The following RBFOX1 variants were observed in gnomAD, a reference collection of about 807,000 sequenced individuals.
The protein encoded by RBFOX1 is RNA binding fox-1 homolog 1, also known as RNA binding protein fox-1 homolog 1.
Under a neutral mutation model 57.7 loss-of-function variants are expected in RBFOX1, and 8 were observed. The ratio of observed to expected loss-of-function variants is 0.14; its 90% confidence interval spans 0.08 to 0.25. The LOEUF (loss-of-function observed/expected upper bound fraction) is 0.25, where lower values mean the gene tolerates loss of function less well. RBFOX1 is among the 10% of genes least tolerant of loss of function. The pLI is 1.00. For synonymous variants in RBFOX1, 326 were observed against 222.4 expected, an observed-to-expected ratio of 1.47 and a Z score of -4.15; for missense variants, 611 against 548.5, an observed-to-expected ratio of 1.11 and a Z score of -1.14.
intron 3 of RBFOX1, among the ~76,000 whole-genome samples, chr16:7,050,154 C>CT (rs58027559): frequency 0.081 from 11,135 of 138,226 alleles, 623 homozygotes; most frequent in East Asian, 0.29. Flanking sequence ...TCAATGTGGG[C>CT]TTTTTTTTTT....
chr16:7,617,311 C>A (rs889419451), intron 10 of RBFOX1, among the ~76,000 whole-genome samples: 3 of 152,052 alleles, frequency 2.0e-5, no homozygotes, highest in Non-Finnish European at 4.4e-5. Context: ...GATTGTTTTC[C>A]AGTAAAACTA....
In RBFOX1 at chr16:7,098,086, C is replaced by T. The variant is rs1057090319; in HGVS notation, c.27+45988C>T. On this transcript the variant is annotated intron_variant, in intron 4 of 15. Coordinates refer to ENST00000550418, the MANE Select transcript of RBFOX1 (RefSeq NM_018723.4). ...ATGCTAACTTAAAAGGCTAATCAAA[C>T]AGGCAAGTGGTACAAGTGAGGAAAG... Among the ~76,000 whole-genome samples the T allele has an allele frequency of 5.3e-5, 8 of 152,168 alleles. No individual in the cohort carries two copies. The South Asian group carries it at 1.2e-3, about 24-fold the overall frequency.
At chr16:6,510,978 C>T (rs572236581) in intron 2 of RBFOX1, among the ~76,000 whole-genome samples, 4 of 152,268 alleles carry the variant, frequency 2.6e-5, no homozygotes, top group East Asian at 3.9e-4. Context: ...CTGTCTCCCA[C>T]GGCAGCATCC....
At chr16:7,416,270 C>G (rs910103083) in intron 4 of RBFOX1, among the ~76,000 whole-genome samples, 21 of 152,230 alleles carry the variant, frequency 1.4e-4, no homozygotes, top group African/African-American at 3.6e-4. Flanking sequence ...TTCTGTGTCT[C>G]TCAGACTACT....
At chr16:6,481,629 T>G (rs1017986545) in intron 2 of RBFOX1, among the ~76,000 whole-genome samples, 4 of 152,188 alleles carry the variant, frequency 2.6e-5, no homozygotes, top group Non-Finnish European at 5.9e-5. Flanking sequence ...TAAGCGAAAG[T>G]CTAAACCCCT....
chr16:5,587,910 A>G (rs2046886319), intron 2 of RBFOX1, among the ~76,000 whole-genome samples: 2 of 152,196 alleles, frequency 1.3e-5, no homozygotes, highest in Admixed American at 6.5e-5. Flanking sequence ...GTGTGCGGGA[A>G]TGCTCACAGT....
At chr16:5,458,212 T>C (rs1402528895) in intron 1 of RBFOX1, among the ~76,000 whole-genome samples, 3 of 152,214 alleles carry the variant, frequency 2.0e-5, no homozygotes, top group African/African-American at 7.2e-5. Context: ...GGATACTCTT[T>C]GCTTTGGAGT....
chr16:6,864,107 A>C (rs1167924062), intron 3 of RBFOX1, among the ~76,000 whole-genome samples: 4 of 151,962 alleles, frequency 2.6e-5, no homozygotes, highest in Non-Finnish European at 5.9e-5. Flanking sequence ...AGTGACAAAG[A>C]AGAAAGCGAA....
intron 5 of RBFOX1, among the ~76,000 whole-genome samples, chr16:7,522,495 G>C (rs2077726418): frequency 6.6e-6 from 1 of 152,192 alleles, no homozygotes; most frequent in South Asian, 2.1e-4. Context: ...TAGAGTAGTG[G>C]AGAGAGATGC....
intron 3 of RBFOX1, among the ~76,000 whole-genome samples, chr16:6,694,119 C>T (rs530850551): frequency 6.6e-6 from 1 of 152,316 alleles, no homozygotes; most frequent in South Asian, 2.1e-4. Flanking sequence ...AGAAGAGTTT[C>T]ATCTTTTGTT....
chr16:7,537,683 A>G (rs1292503248), intron 5 of RBFOX1, among the ~76,000 whole-genome samples: 1 of 152,274 alleles, frequency 6.6e-6, no homozygotes, highest in Middle Eastern at 3.4e-3. Flanking sequence ...GGTGGCTTCT[A>G]ACGTGATTTC....
rs142275056 is a variant in RBFOX1, at chr16:6,120,338, C to T, written c.-127+100346C>T. Among the ~76,000 whole-genome samples, 262 of 152,322 alleles carry T rather than the reference C, an allele frequency of 1.7e-3. 2 individuals carry two copies. The highest frequency in any genetic ancestry group is 5.2e-3 in the African/African-American group (215 of 41,578). On this transcript the variant is annotated intron_variant, in intron 1 of 15. Coordinates refer to ENST00000550418, the MANE Select transcript of RBFOX1 (RefSeq NM_018723.4). ...ATGCAGTAGCTCTATGTTCAACTTA[C>T]TGAGGCATCAGCAAGCTGTTTCCCA...
At chr16:7,239,239 C>T (rs940613572) in intron 4 of RBFOX1, among the ~76,000 whole-genome samples, 13 of 152,134 alleles carry the variant, frequency 8.5e-5, no homozygotes, top group Non-Finnish European at 1.9e-4. Flanking sequence ...TGGAATCAGC[C>T]AGTAATCCCA....
At chr16:6,945,553 T>C (rs528760457) in intron 3 of RBFOX1, among the ~76,000 whole-genome samples, 3 of 152,156 alleles carry the variant, frequency 2.0e-5, no homozygotes, top group African/African-American at 7.2e-5. Flanking sequence ...CTGTGACTCA[T>C]GGGCAACCAG....
chr16:6,815,044 T>A (rs2089752990), intron 3 of RBFOX1, among the ~76,000 whole-genome samples: 1 of 152,154 alleles, frequency 6.6e-6, no homozygotes. Flanking sequence ...AGGGATGGAT[T>A]ATTCATAGTT....
chr16:6,569,125 C>T (rs193232184), intron 2 of RBFOX1, among the ~76,000 whole-genome samples: 1 of 152,166 alleles, frequency 6.6e-6, no homozygotes, highest in South Asian at 2.1e-4. Flanking sequence ...ACTCTCTCTG[C>T]CTCTTGATAT....
chr16:6,726,468 G>A (rs11647688), intron 3 of RBFOX1, among the ~76,000 whole-genome samples: 27,786 of 149,800 alleles, frequency 0.19, 2,779 homozygotes, highest in Admixed American at 0.22. Flanking sequence ...AGCTCTTCCC[G>A]TTCCCAAGTA....
intron 4 of RBFOX1, among the ~76,000 whole-genome samples, chr16:7,285,668 G>A (rs777471082): frequency 4.1e-4 from 62 of 152,072 alleles, no homozygotes; most frequent in African/African-American, 1.3e-3. Flanking sequence ...TTTGATCAAC[G>A]TAATTCCCTG....
intron 4 of RBFOX1, among the ~76,000 whole-genome samples, chr16:5,879,617 A>G (rs2057711545): frequency 6.6e-6 from 1 of 152,210 alleles, no homozygotes; most frequent in Non-Finnish European, 1.5e-5. Context: ...GGCGTGAGCC[A>G]CCACGCCTGA....
Sources: gnomAD v4.1 joint callset for allele counts (sites outside exome capture counted in the v4.1 genomes callset) on GRCh38, gnomAD v4.1.1 for gene constraint, MANE v1.5 for transcripts, NCBI Gene and HGNC (gene_info 2026-07-23, HGNC 2026-07-21) for gene names.